CYTH3: variants seen among roughly 807,000 people sequenced by gnomAD.
CYTH3 encodes the protein cytohesin-3.
In CYTH3, 23 loss-of-function variants were observed where a neutral mutation model predicts 55.1. The ratio of observed to expected loss-of-function variants is 0.42; its 90% confidence interval spans 0.30 to 0.59. CYTH3 has a LOEUF of 0.59. Among genes scored for constraint, CYTH3 ranks in the 20% least tolerant of loss-of-function variants. CYTH3 has a pLI of 0.20. For missense variants in CYTH3, 413 were observed against 524.8 expected (o/e 0.79, Z 2.08); for synonymous variants, 249 against 194.9 (o/e 1.28, Z -2.31).
rs116673129 is a variant in CYTH3, at chr7:6,228,456, G to T, written c.35-37925C>A. ...AGGGGTTGGAAAGAAGTCTTTGTGA[G>T]AAAAGAATCAAGTTCTCAAGTTGTG... On this transcript the variant is annotated intron_variant, in intron 1 of 12. Coordinates refer to ENST00000350796, the MANE Select transcript of CYTH3 (RefSeq NM_004227.4). Among the ~76,000 whole-genome samples the T allele has an allele frequency of 8.2e-3, 1,254 of 152,262 alleles. 20 individuals are homozygous for T. Among genetic ancestry groups the T allele is most frequent in the African/African-American group, 0.028 (1,162 of 41,544 alleles).
rs565452320 is a variant in CYTH3 at position 6,242,479 on chromosome 7, C to T, written c.34+29995G>A. Among the ~76,000 whole-genome samples the T allele has an allele frequency of 6.6e-5, 10 of 151,086 alleles. No individual in the cohort carries two copies. The South Asian group carries it at 1.0e-3, about 16-fold the overall frequency. On this transcript the variant is annotated intron_variant, in intron 1 of 12. Transcript: ENST00000350796. The stretch of plus-strand genomic sequence containing the variant: ...GCAACCTCCGCCTCCCAGGTTCAAG[C>T]GATTCTCCTCCCTCAGCCTCCTGAG...
chr7:6,258,722 T>C (rs144117437), intron 1 of CYTH3, among the ~76,000 whole-genome samples: 1 of 152,286 alleles, frequency 6.6e-6, no homozygotes, highest in Non-Finnish European at 1.5e-5. Context: ...CCCCCAAATA[T>C]CTACATCCCA....
At chr7:6,268,540 C>G (rs59812371) in intron 1 of CYTH3, among the ~76,000 whole-genome samples, 2,740 of 152,346 alleles carry the variant, frequency 0.018, 66 homozygotes, top group African/African-American at 0.045. Context: ...TCGTTCCTTT[C>G]TACAACTTTA....
At chr7:6,201,552 A>G (rs972984104) in intron 1 of CYTH3, among the ~76,000 whole-genome samples, 6 of 152,222 alleles carry the variant, frequency 3.9e-5, no homozygotes, top group African/African-American at 1.4e-4. Context: ...AAATAAGTTC[A>G]ATCAAGAGAA....
chr7:6,253,389 A>C (rs1177877204), intron 1 of CYTH3, among the ~76,000 whole-genome samples: 1 of 151,786 alleles, frequency 6.6e-6, no homozygotes, highest in East Asian at 2.0e-4. Flanking sequence ...TTGTATTTTT[A>C]GTAGAGATAG....
At chr7:6,218,493 A>G (rs954218985) in intron 1 of CYTH3, among the ~76,000 whole-genome samples, 2 of 152,234 alleles carry the variant, frequency 1.3e-5, no homozygotes, top group African/African-American at 4.8e-5. Context: ...CTAGAACAGT[A>G]CAAGAATAAA....
intron 1 of CYTH3, among the ~76,000 whole-genome samples, chr7:6,235,267 C>A (rs6951747): frequency 6.6e-6 from 1 of 151,922 alleles, no homozygotes; most frequent in Non-Finnish European, 1.5e-5. Context: ...TTTGAGGTCA[C>A]GAGTTCAAGA....
At chr7:6,263,133 C>T (rs1780396460) in intron 1 of CYTH3, among the ~76,000 whole-genome samples, 1 of 152,190 alleles carries the variant, frequency 6.6e-6, no homozygotes, top group Non-Finnish European at 1.5e-5. Context: ...CATCCCATAA[C>T]AAGAGCTCAC....
chr7:6,198,268 G>C (rs1783981101), intron 1 of CYTH3, among the ~76,000 whole-genome samples: 3 of 152,188 alleles, frequency 2.0e-5, no homozygotes, highest in African/African-American at 7.2e-5. Context: ...AAGTATTTCT[G>C]AACCAGTCTC....
At chr7:6,224,437 C>A (rs997873798) in intron 1 of CYTH3, among the ~76,000 whole-genome samples, 2 of 152,032 alleles carry the variant, frequency 1.3e-5, no homozygotes, top group Non-Finnish European at 2.9e-5. Context: ...ACTGGACATC[C>A]GCATGCAAAA....
Position 6,237,773 on chromosome 7 carries a change from G to C in CYTH3, c.34+34701C>G, listed in dbSNP as rs1583186911. 3.3e-5 allele frequency among the ~76,000 whole-genome samples: 5 copies of C among 152,186 alleles called. 1 individual carries two copies. On this transcript the variant is annotated intron_variant, in intron 1 of 12. Coordinates refer to ENST00000350796, the MANE Select transcript of CYTH3 (RefSeq NM_004227.4). ...TTTCCAAAAGTATTATTGCCAATTA[G>C]AAGGTTCCACGTATATGTCCAAGCA...
At position 6,170,918 on chromosome 7, in the gene CYTH3, T is replaced by C. The variant is rs1404386443; in HGVS notation, c.623A>G (p.Asn208Ser). Residue 208 changes from asparagine to serine, a missense_variant, in exon 8 of 13, where the codon AAC (asparagine) becomes AGC (serine). Asn to Ser is a conservative substitution (Grantham distance 46, BLOSUM62 1). Transcript: ENST00000350796. This position sits in a 1 kb window ranked among gnomAD's most constrained non-coding sequence, Gnocchi z 7.8. ...IMLNTSLHNH[N>S]VRDKPTAERF... is the part of the protein sequence containing the mutation. Reference sequence around the variant, plus strand: ...TTCTGCCGTGGGCTTGTCACGCACGTTGTGGTTGTGGAGGCTGGTGTTGAG... The same window carrying C: ...TTCTGCCGTGGGCTTGTCACGCACGCTGTGGTTGTGGAGGCTGGTGTTGAG... The C allele has an allele frequency of 2.5e-6, 4 of 1,613,650 alleles. No individual in the cohort carries two copies. Among genetic ancestry groups the C allele is most frequent in the African/African-American group, 1.3e-5 (1 of 74,860 alleles).
chr7:6,191,718 T>G (rs574243789), intron 1 of CYTH3, among the ~76,000 whole-genome samples: 2 of 151,744 alleles, frequency 1.3e-5, no homozygotes, highest in Non-Finnish European at 2.9e-5. Flanking sequence ...AGGGAAGGAC[T>G]TCTTAAACAA....
At chr7:6,166,349 T>TA (rs1783008605) in intron 9 of CYTH3, among the ~76,000 whole-genome samples, 1 of 152,248 alleles carries the variant, frequency 6.6e-6, no homozygotes, top group Non-Finnish European at 1.5e-5. Flanking sequence ...CTCTGATCCT[T>TA]AAACACTGAG....
chr7:6,236,201 C>T (rs192707324), intron 1 of CYTH3, among the ~76,000 whole-genome samples: 14 of 149,964 alleles, frequency 9.3e-5, no homozygotes, highest in Admixed American at 2.6e-4. Flanking sequence ...CAGAAAATAA[C>T]CCCCCCCTTA....
chr7:6,190,427 G>GTT, intron 2 of CYTH3, 22 bp downstream of exon 2: 4 of 1,247,482 alleles, frequency 3.2e-6, no homozygotes, highest in East Asian at 6.3e-5. Flanking sequence ...TTGGATTTTT[G>GTT]GTTTTTTTTT....
chr7:6,249,753 G>C (rs1392675355), intron 1 of CYTH3, among the ~76,000 whole-genome samples: 1 of 152,126 alleles, frequency 6.6e-6, no homozygotes, highest in Admixed American at 6.5e-5. Context: ...ACTAAAAATT[G>C]GATATATTCA....
intron 1 of CYTH3, among the ~76,000 whole-genome samples, chr7:6,261,436 C>T (rs191632410): frequency 6.6e-6 from 1 of 152,128 alleles, no homozygotes; most frequent in African/African-American, 2.4e-5. Flanking sequence ...ATATTCCGGC[C>T]AGGTGAGGTG....
chr7:6,221,973 T>G (rs1008580191), intron 1 of CYTH3, among the ~76,000 whole-genome samples: 1 of 151,852 alleles, frequency 6.6e-6, no homozygotes, highest in African/African-American at 2.4e-5. Context: ...CAAAAAAAAC[T>G]AAAAAACAGT....
Sources: allele counts gnomAD v4.1 joint callset (sites outside exome capture counted in the v4.1 genomes callset), GRCh38; gene constraint gnomAD v4.1.1; non-coding constraint Gnocchi (gnomAD v3.1); transcripts MANE v1.5; gene names NCBI Gene and HGNC (gene_info 2026-07-23, HGNC 2026-07-21).